The following ZNF141 variants were observed in gnomAD, a reference collection of about 807,000 sequenced individuals.
ZNF141 encodes zinc finger protein 141 (clone pHZ-44).
Under a neutral mutation model 11.3 loss-of-function variants are expected in ZNF141, and 7 were observed. That is an observed-to-expected ratio of 0.62 (90% CI 0.35 to 1.16). The LOEUF is 1.16. Among genes scored for constraint, ZNF141 ranks in the 50% most tolerant of loss-of-function variants. The probability of loss-of-function intolerance (pLI) is 0.02; values close to 1 mark genes in which losing one functional copy is unlikely to be tolerated. For synonymous variants in ZNF141, 183 were observed against 190.7 expected, an observed-to-expected ratio of 0.96 and a Z score of 0.33; for missense variants, 535 against 554.0, an observed-to-expected ratio of 0.97 and a Z score of 0.34.
chr4:338,521 T>C lies in ZNF141; in HGVS notation c.3+535T>C, dbSNP rs537753678. 3.7e-3 allele frequency: 585 copies of C among 159,508 alleles called. 13 individuals carry two copies. The highest frequency in any genetic ancestry group is 2.0e-3 in the South Asian group (12 of 5,980). 9.9% of individuals were successfully genotyped at this position (159,508 alleles called of 1,614,324 possible). A position where few individuals can be genotyped will look rare whatever the true frequency, so the allele number is the denominator to read the frequency against. ...GCCCGCTCCAACTTGCCCACCAGTC[T>C]CCTTGCCCTGTGCGCCTCCTCCGCG... On this transcript the variant is annotated intron_variant, in intron 1 of 3. Coordinates refer to ENST00000240499, the MANE Select transcript of ZNF141 (RefSeq NM_003441.4).
chr4:368,757 T>C (rs1711876180), intron 3 of ZNF141, among the ~76,000 whole-genome samples: 1 of 152,250 alleles, frequency 6.6e-6, no homozygotes, highest in African/African-American at 2.4e-5. Flanking sequence ...TCATACCAAA[T>C]TGCTTTAATT....
chr4:362,047 C>T (rs1711520451), intron 3 of ZNF141, among the ~76,000 whole-genome samples: 1 of 152,164 alleles, frequency 6.6e-6, no homozygotes, highest in African/African-American at 2.4e-5. Context: ...CTGTTGTTTC[C>T]TGACTTTTTA....
rs2108657483 is a variant in ZNF141, at chr4:375,439, T to C, written c.*1577T>C. Among the ~76,000 whole-genome samples, 1 of 152,228 alleles carries C rather than the reference T, an allele frequency of 6.6e-6. No homozygotes were observed. Among genetic ancestry groups the C allele is most frequent in the Middle Eastern group, 3.4e-3 (1 of 294 alleles). On this transcript the variant is annotated 3_prime_UTR_variant, in exon 4 of 4. Transcript: ENST00000240499. ...TTCAAAAACTGCAGCTTAAACAGTT[T>C]ACACTAGAAAATATTTTGTAGATGC... is the stretch of plus-strand genomic sequence containing the variant.
In ZNF141 at chr4:384,714, T is replaced by C. The variant is rs1712834381; in HGVS notation, c.*10852T>C. On this transcript the variant is annotated 3_prime_UTR_variant, in exon 4 of 4. Transcript: ENST00000240499. ...ATACAACACCCTTAGCGGGGAAATT[T>C]ACCCCTCCCATTTGGGCAGAACCCA... is the stretch of plus-strand genomic sequence containing the variant. 6.6e-6 allele frequency: 1 copy of C among 152,220 alleles called. No individual in the cohort carries two copies. Among genetic ancestry groups the C allele is most frequent in the Non-Finnish European group, 1.5e-5 (1 of 68,058 alleles). 9.4% of individuals were successfully genotyped at this position (152,220 alleles called of 1,614,324 possible).
At chr4:355,784 G>A (rs543205158) in intron 3 of ZNF141, among the ~76,000 whole-genome samples, 1 of 152,142 alleles carries the variant, frequency 6.6e-6, no homozygotes, top group Non-Finnish European at 1.5e-5. Context: ...TCACAATCCT[G>A]GATGCTGAGA....
chr4:373,316 C>T lies in ZNF141; in HGVS notation c.879C>T (p.Thr293=). 6.2e-7 allele frequency: 1 copy of T among 1,609,366 alleles called. No homozygotes were observed. The highest frequency in any genetic ancestry group is 8.5e-7 in the Non-Finnish European group (1 of 1,178,898). The change falls in exon 4 of 4, where the codon ACC becomes ACT. Residue 293 remains threonine, a synonymous_variant. Coordinates refer to ENST00000240499, the MANE Select transcript of ZNF141 (RefSeq NM_003441.4). The stretch of plus-strand genomic sequence containing the variant: ...GTGAAGAATGTAGGAAAATCTTTAC[C>T]TCATCCTCAAACTTTGCCAAACATA... ...ITCEECRKIF[T]SSSNFAKHKR...
At chr4:355,440 A>C (rs925454686) in intron 3 of ZNF141, among the ~76,000 whole-genome samples, 17 of 152,242 alleles carry the variant, frequency 1.1e-4, no homozygotes, top group African/African-American at 3.9e-4. Context: ...TCCTGATTGC[A>C]GGTGATTCTG....
At chr4:362,387 A>G (rs1711537551) in intron 3 of ZNF141, among the ~76,000 whole-genome samples, 2 of 152,110 alleles carry the variant, frequency 1.3e-5, no homozygotes, top group Non-Finnish European at 2.9e-5. Context: ...GTTTAATTAG[A>G]TTCCATTTGT....
At chr4:339,462 G>T (rs1180967169) in intron 1 of ZNF141, among the ~76,000 whole-genome samples, 1 of 151,444 alleles carries the variant, frequency 6.6e-6, no homozygotes, top group African/African-American at 2.4e-5. Flanking sequence ...TGTGCACACA[G>T]TTTGCTCAAG....
At chr4:349,884 A>G (rs1385389902) in intron 3 of ZNF141, among the ~76,000 whole-genome samples, 2 of 152,192 alleles carry the variant, frequency 1.3e-5, no homozygotes, top group Non-Finnish European at 2.9e-5. Flanking sequence ...TACCAGGTGT[A>G]TGAATGGGTT....
intron 3 of ZNF141, among the ~76,000 whole-genome samples, chr4:355,247 T>C (rs1427035851): frequency 3.3e-5 from 5 of 151,794 alleles, no homozygotes; most frequent in South Asian, 2.1e-4. Flanking sequence ...TGGAGTGCAG[T>C]GGTGCAATCT....
intron 3 of ZNF141, among the ~76,000 whole-genome samples, chr4:344,894 T>C (rs1318732380): frequency 2.0e-5 from 3 of 152,206 alleles, no homozygotes; most frequent in African/African-American, 7.2e-5. Flanking sequence ...TGTTCACAAA[T>C]AGGGGCATCT....
chr4:357,707 C>CTTTTTTTTTT (rs572493320), intron 3 of ZNF141, among the ~76,000 whole-genome samples: 1 of 132,590 alleles, frequency 7.5e-6, no homozygotes, highest in Non-Finnish European at 1.6e-5. Context: ...TTTCTTTTTT[C>CTTTTTTTTTT]TTTTTTTTTT....
chr4:369,177 TCACA>T (rs1190449155), intron 3 of ZNF141, among the ~76,000 whole-genome samples: 2 of 148,336 alleles, frequency 1.3e-5, no homozygotes, highest in East Asian at 3.9e-4. Context: ...ACACACACAC[TCACA>T]CACACACATT....
In ZNF141 at chr4:379,358, A is replaced by T. The variant is rs562065708; in HGVS notation, c.*5496A>T. 1.9e-4 allele frequency among the ~76,000 whole-genome samples: 29 copies of T among 152,138 alleles called. No homozygotes were observed. In the South Asian group the frequency reaches 6.0e-3, roughly 32 times the overall value. On this transcript the variant is annotated 3_prime_UTR_variant, in exon 4 of 4. Coordinates refer to ENST00000240499, the MANE Select transcript of ZNF141 (RefSeq NM_003441.4). ...TCTAAGCCATGCTAGTAAATATTAG[A>T]GTTCCTATGATTATTTTCTTCTTTA... is the stretch of plus-strand genomic sequence containing the variant.
At chr4:351,785 T>G (rs1553850479) in intron 3 of ZNF141, among the ~76,000 whole-genome samples, 1 of 152,112 alleles carries the variant, frequency 6.6e-6, no homozygotes, top group Non-Finnish European at 1.5e-5. Flanking sequence ...GGTGAACCTT[T>G]CTTTCAGGTG....
intron 3 of ZNF141, among the ~76,000 whole-genome samples, chr4:359,226 G>GA (rs1371501350): frequency 4.6e-5 from 7 of 152,124 alleles, no homozygotes; most frequent in Admixed American, 3.9e-4. Context: ...TTAAGCATCA[G>GA]ACAGTTGAGG....
At chr4:342,077 A>T (rs1190444068) in intron 1 of ZNF141, among the ~76,000 whole-genome samples, 2 of 152,160 alleles carry the variant, frequency 1.3e-5, no homozygotes, top group Non-Finnish European at 1.5e-5. Context: ...ACATTTTTTT[A>T]AAAAGTCAGG....
At position 383,796 on chromosome 4, in the gene ZNF141, A is replaced by G. The variant is rs1052222; in HGVS notation, c.*9934A>G. On this transcript the variant is annotated 3_prime_UTR_variant, in exon 4 of 4. Coordinates refer to ENST00000240499, the MANE Select transcript of ZNF141 (RefSeq NM_003441.4). ...CTGCATAGGGTACCAATTCGCCTCA[A>G]CCTTTGATTAGCCAAGGACCAAATC... The G allele has an allele frequency of 1.3e-5, 2 of 152,332 alleles. No individual in the cohort carries two copies. Among genetic ancestry groups the G allele is most frequent in the South Asian group, 2.1e-4 (1 of 4,836 alleles). The allele number at this position is 152,332 out of a possible 1,614,324, so 9.4% of individuals were successfully genotyped here.
Sources: allele counts gnomAD v4.1 joint callset (sites outside exome capture counted in the v4.1 genomes callset), GRCh38; gene constraint gnomAD v4.1.1; transcripts MANE v1.5; gene names NCBI Gene and HGNC (gene_info 2026-07-23, HGNC 2026-07-21).